The following SEC24B variants were observed in gnomAD, a reference collection of about 807,000 sequenced individuals.
SEC24B encodes the protein SEC24 homolog B, COPII component, also known as protein transport protein Sec24B.
In SEC24B, 45 loss-of-function variants were observed where a neutral mutation model predicts 142.8. The observed-to-expected ratio is 0.32, with a 90% CI of 0.25 to 0.40. SEC24B has a LOEUF of 0.40. Among genes scored for constraint, SEC24B ranks in the 10% least tolerant of loss-of-function variants. SEC24B has a pLI of 1.00. For missense variants in SEC24B, 1,409 were observed against 1,526.8 expected (o/e 0.92, Z 1.29); for synonymous variants, 574 against 568.2 (o/e 1.01, Z -0.15).
rs974325926 is a variant in SEC24B, at chr4:109,494,838, A to T, written c.1470A>T (p.Gly490=). Residue 490 remains glycine, a synonymous_variant, in exon 6 of 24, where the codon GGA becomes GGT. Transcript: ENST00000265175. ...GVQPSNPVYS[G]FQQYPQQYPG... is the part of the protein sequence containing the mutation. ...AGCCCAGTAACCCGGTATATTCTGG[A>T]TTCCAGCAGTATCCTCAAGTATGTA... is the stretch of plus-strand genomic sequence containing the variant. 1 of 1,614,130 alleles carries T rather than the reference A, an allele frequency of 6.2e-7. No homozygotes were observed. The highest frequency in any genetic ancestry group is 1.1e-5 in the South Asian group (1 of 91,088).
intron 6 of SEC24B, among the ~76,000 whole-genome samples, 161 bp downstream of exon 6, chr4:109,495,017 T>C (rs1735394755): frequency 6.6e-6 from 1 of 152,212 alleles, no homozygotes; most frequent in South Asian, 2.1e-4. Flanking sequence ...TTTTTGTGTG[T>C]ATATATGTAG....
chr4:109,464,432 C>T lies in SEC24B; in HGVS notation c.877+788C>T, dbSNP rs369529619. On this transcript the variant is annotated intron_variant, in intron 2 of 23. Transcript: ENST00000265175. ...CAAGTAGCTGGGACTACCAGGCATA[C>T]GCCACCACACCCAGCTAATTTTGTA... is the stretch of plus-strand genomic sequence containing the variant. Among the ~76,000 whole-genome samples the T allele has an allele frequency of 8.5e-5, 13 of 152,080 alleles. No individual in the cohort carries two copies. In the East Asian group the frequency reaches 9.7e-4, roughly 11 times the overall value.
intron 6 of SEC24B, among the ~76,000 whole-genome samples, chr4:109,500,566 CAAAA>C (rs957073741): frequency 6.4e-5 from 9 of 141,396 alleles, no homozygotes; most frequent in Non-Finnish European, 1.4e-4. Context: ...AAAAAAAAGA[CAAAA>C]CCCACAGTTA....
At chr4:109,492,793 C>T (rs148074993) in intron 5 of SEC24B, among the ~76,000 whole-genome samples, 1 of 152,004 alleles carries the variant, frequency 6.6e-6, no homozygotes, top group African/African-American at 2.4e-5. Flanking sequence ...TGGTTCACTG[C>T]AGCCTGGTAC....
chr4:109,450,521 A>G (rs1729956947), intron 1 of SEC24B, among the ~76,000 whole-genome samples: 1 of 151,552 alleles, frequency 6.6e-6, no homozygotes, highest in Admixed American at 6.6e-5. Flanking sequence ...AGCTGGACGC[A>G]GTGGCAGGCA....
chr4:109,495,864 T>C (rs962784420), intron 6 of SEC24B, among the ~76,000 whole-genome samples: 3 of 152,060 alleles, frequency 2.0e-5, no homozygotes, highest in African/African-American at 7.2e-5. Flanking sequence ...TAGAGAATGG[T>C]TTGGGGCTGC....
intron 6 of SEC24B, among the ~76,000 whole-genome samples, chr4:109,498,184 G>A (rs1735725447): frequency 6.6e-6 from 1 of 152,092 alleles, no homozygotes; most frequent in Non-Finnish European, 1.5e-5. Context: ...ATTACAAGCA[G>A]CTATTTTTGT....
intron 10 of SEC24B, among the ~76,000 whole-genome samples, chr4:109,515,169 C>T (rs529478851): frequency 1.3e-5 from 2 of 152,118 alleles, no homozygotes; most frequent in African/African-American, 2.4e-5. Context: ...GGCACCATCC[C>T]GGCTCACTGC....
At chr4:109,511,167 C>T (rs1214029739) in intron 8 of SEC24B, among the ~76,000 whole-genome samples, 1 of 151,630 alleles carries the variant, frequency 6.6e-6, no homozygotes, top group Non-Finnish European at 1.5e-5. Flanking sequence ...TCTCTAAATA[C>T]AGATATACAT....
In SEC24B at chr4:109,461,314, T is replaced by C. The variant is rs1268819279; in HGVS notation, c.134-1587T>C. Among the ~76,000 whole-genome samples, 7 of 152,326 alleles carry C rather than the reference T, an allele frequency of 4.6e-5. No individual in the cohort carries two copies. In the South Asian group the frequency reaches 8.3e-4, roughly 18 times the overall value. On this transcript the variant is annotated intron_variant, in intron 1 of 23. Transcript: ENST00000265175. ...AAATTGATAGACCTTTTAAGAGATATTTGCCAATAATGTCAATTTTAAAAA... is the reference window on the plus strand; with the variant it reads ...AAATTGATAGACCTTTTAAGAGATACTTGCCAATAATGTCAATTTTAAAAA...
chr4:109,526,940 A>T (rs1724298297), intron 17 of SEC24B, among the ~76,000 whole-genome samples: 1 of 152,124 alleles, frequency 6.6e-6, no homozygotes, highest in Admixed American at 6.6e-5. Flanking sequence ...TTGTGGCTGG[A>T]TGTGGCGGTG....
chr4:109,497,951 T>G (rs1735702140), intron 6 of SEC24B, among the ~76,000 whole-genome samples: 1 of 152,364 alleles, frequency 6.6e-6, no homozygotes, highest in Admixed American at 6.5e-5. Flanking sequence ...TTGTCAACAC[T>G]TGGAATTTTG....
intron 2 of SEC24B, among the ~76,000 whole-genome samples, chr4:109,467,122 C>A (rs1030936588): frequency 2.6e-5 from 4 of 151,568 alleles, no homozygotes; most frequent in Admixed American, 1.3e-4. Context: ...GTCAGGAGAT[C>A]GAGACCATCC....
At chr4:109,521,279 C>T in intron 13 of SEC24B, 107 bp downstream of exon 13, 1 of 962,816 alleles carries the variant, frequency 1.0e-6, no homozygotes, top group East Asian at 2.6e-5. Flanking sequence ...AAATAATAGA[C>T]AATATAAATG....
At chr4:109,517,664 A>G (rs540747102) in intron 11 of SEC24B, among the ~76,000 whole-genome samples, 19 of 152,328 alleles carry the variant, frequency 1.2e-4, no homozygotes, top group African/African-American at 4.3e-4. Context: ...TAGCCATTCC[A>G]CAGTGTAGAT....
At chr4:109,455,777 A>G (rs1475078354) in intron 1 of SEC24B, among the ~76,000 whole-genome samples, 1 of 152,116 alleles carries the variant, frequency 6.6e-6, no homozygotes, top group African/African-American at 2.4e-5. Flanking sequence ...ACACTTCTTA[A>G]ATTGTTGTAA....
chr4:109,443,116 A>T (rs910270195), intron 1 of SEC24B, among the ~76,000 whole-genome samples: 1 of 152,068 alleles, frequency 6.6e-6, no homozygotes, highest in African/African-American at 2.4e-5. Context: ...TCAAATTCTC[A>T]GTATCCTGTC....
intron 4 of SEC24B, among the ~76,000 whole-genome samples, chr4:109,484,626 G>A (rs1454834371): frequency 2.0e-5 from 3 of 152,074 alleles, no homozygotes; most frequent in African/African-American, 7.2e-5. Flanking sequence ...CAAGGCAGGC[G>A]GATCACCTGG....
intron 1 of SEC24B, among the ~76,000 whole-genome samples, chr4:109,434,792 G>T (rs140064705): frequency 5.3e-5 from 8 of 152,318 alleles, no homozygotes; most frequent in African/African-American, 1.9e-4. Context: ...AGTTGGCCCT[G>T]CTTTGAGGCA....
Sources: gnomAD v4.1 joint callset for allele counts (sites outside exome capture counted in the v4.1 genomes callset) on GRCh38, gnomAD v4.1.1 for gene constraint, MANE v1.5 for transcripts, NCBI Gene and HGNC (gene_info 2026-07-23, HGNC 2026-07-21) for gene names.